CADM2: variants seen among roughly 807,000 people sequenced by gnomAD.
CADM2 encodes cell adhesion molecule 2, also known as immunoglobulin superfamily member 4D.
Under a neutral mutation model 49.8 loss-of-function variants are expected in CADM2, and 12 were observed. The ratio of observed to expected loss-of-function variants is 0.24; its 90% CI spans 0.15 to 0.39. The LOEUF (loss-of-function observed/expected upper bound fraction) is 0.39, where lower values mean the gene tolerates loss of function less well. Ranked by LOEUF, CADM2 falls within the 10% of genes least tolerant of loss-of-function variation. The pLI is 1.00. For missense variants in CADM2, 378 were observed against 492.3 expected (o/e 0.77, Z 2.20); for synonymous variants, 214 against 175.4 (o/e 1.22, Z -1.74).
At chr3:85,570,988 C>T (rs2062460255) in intron 1 of CADM2, among the ~76,000 whole-genome samples, 2 of 152,028 alleles carry the variant, frequency 1.3e-5, no homozygotes. Context: ...ATGTTAGAAG[C>T]ATGATTATTA....
chr3:86,057,510 A>C (rs1024426323), intron 8 of CADM2, among the ~76,000 whole-genome samples: 3 of 152,208 alleles, frequency 2.0e-5, no homozygotes, highest in Non-Finnish European at 4.4e-5. Context: ...AATTTAGCAT[A>C]AGAATTTAAT....
chr3:85,925,701 A>T (rs1025388668), intron 6 of CADM2, among the ~76,000 whole-genome samples: 2 of 152,190 alleles, frequency 1.3e-5, no homozygotes, highest in Non-Finnish European at 2.9e-5. Context: ...TCAGAGTATT[A>T]AGCGTTCACT....
chr3:85,315,502 T>TA lies in CADM2; in HGVS notation c.61+355842dup, dbSNP rs199742417. 5.8e-4 allele frequency among the ~76,000 whole-genome samples: 88 copies of TA among 152,048 alleles called. No homozygotes were observed. In the East Asian group the frequency reaches 0.013, roughly 23 times the overall value. ...AATAGCAAAGTATATGGTTTAAGCA[T>TA]AAAAAAAACTGGTAATAGTTAGAGT... On this transcript the variant is annotated intron_variant, in intron 1 of 9. Coordinates refer to ENST00000383699, the MANE Select transcript of CADM2 (RefSeq NM_001167675.2).
intron 1 of CADM2, among the ~76,000 whole-genome samples, chr3:85,063,880 G>A (rs1030581680): frequency 2.6e-5 from 4 of 151,966 alleles, no homozygotes; most frequent in East Asian, 1.9e-4. Flanking sequence ...TCACTCTAAC[G>A]CATTAGCAGC....
intron 1 of CADM2, among the ~76,000 whole-genome samples, chr3:85,302,064 A>G (rs886814138): frequency 6.6e-6 from 1 of 151,998 alleles, no homozygotes; most frequent in Admixed American, 6.6e-5. Flanking sequence ...GTGTATTCTA[A>G]TATGTGTCAT....
chr3:85,828,252 G>A (rs190350971), intron 3 of CADM2, among the ~76,000 whole-genome samples: 84 of 152,032 alleles, frequency 5.5e-4, no homozygotes, highest in Middle Eastern at 6.8e-3. Context: ...TCCCAAACAC[G>A]GGTAAAGCAG....
intron 1 of CADM2, among the ~76,000 whole-genome samples, chr3:85,321,951 A>G (rs1199026539): frequency 6.6e-6 from 1 of 152,244 alleles, no homozygotes; most frequent in African/African-American, 2.4e-5. Context: ...ATTAGTTTGC[A>G]GAACTGAAAT....
intron 1 of CADM2, among the ~76,000 whole-genome samples, chr3:85,058,902 T>C (rs2036193997): frequency 6.6e-6 from 1 of 151,690 alleles, no homozygotes; most frequent in Non-Finnish European, 1.5e-5. Flanking sequence ...TGCAAAACAA[T>C]ATAGAATTAT....
intron 1 of CADM2, among the ~76,000 whole-genome samples, chr3:85,172,022 A>G (rs1301436037): frequency 2.6e-5 from 4 of 152,222 alleles, no homozygotes; most frequent in Non-Finnish European, 4.4e-5. Context: ...TGTGCAATTT[A>G]TAGAAATTAA....
At chr3:85,835,851 C>CT (rs2074387603) in intron 3 of CADM2, among the ~76,000 whole-genome samples, 1 of 150,264 alleles carries the variant, frequency 6.7e-6, no homozygotes, top group Non-Finnish European at 1.5e-5. Context: ...CAGAGTATCT[C>CT]TAACTAATGA....
chr3:85,367,429 A>G (rs1168033747), intron 1 of CADM2, among the ~76,000 whole-genome samples: 2 of 151,836 alleles, frequency 1.3e-5, no homozygotes, highest in African/African-American at 2.4e-5. Flanking sequence ...GTGCTTCCAC[A>G]ATATTAAGAC....
At chr3:85,898,935 G>A (rs1469102118) in intron 5 of CADM2, among the ~76,000 whole-genome samples, 1 of 32,140 alleles carries the variant, frequency 3.1e-5, no homozygotes, top group Non-Finnish European at 4.7e-5. Context: ...TTCATTTATT[G>A]TGTATATATA....
chr3:85,225,826 G>T (rs1300184333), intron 1 of CADM2, among the ~76,000 whole-genome samples: 2 of 152,130 alleles, frequency 1.3e-5, no homozygotes, highest in African/African-American at 2.4e-5. Flanking sequence ...GATAAATTTT[G>T]TTGAAGGCCT....
At chr3:85,826,403 T>TA (rs1293740947) in intron 3 of CADM2, among the ~76,000 whole-genome samples, 1 of 152,072 alleles carries the variant, frequency 6.6e-6, no homozygotes, top group Non-Finnish European at 1.5e-5. Flanking sequence ...TTTCAATCAT[T>TA]AAAATAACAG....
intron 1 of CADM2, among the ~76,000 whole-genome samples, chr3:85,475,897 G>T (rs112139270): frequency 2.0e-5 from 3 of 151,706 alleles, no homozygotes; most frequent in Admixed American, 1.3e-4. Context: ...TTATTAATTT[G>T]CCTATCTAGA....
intron 8 of CADM2, among the ~76,000 whole-genome samples, chr3:85,996,679 T>G (rs1729467682): frequency 6.6e-6 from 1 of 152,178 alleles, no homozygotes; most frequent in Non-Finnish European, 1.5e-5. Context: ...TTCTGAAATA[T>G]TCTAAGAAAC....
chr3:86,001,588 G>A (rs976950940), intron 8 of CADM2, among the ~76,000 whole-genome samples: 4 of 152,030 alleles, frequency 2.6e-5, no homozygotes, highest in African/African-American at 9.7e-5. Flanking sequence ...CTGTAAAGGG[G>A]GATGATGGGC....
chr3:85,162,422 A>T (rs1377486908), intron 1 of CADM2, among the ~76,000 whole-genome samples: 1 of 152,168 alleles, frequency 6.6e-6, no homozygotes, highest in African/African-American at 2.4e-5. Flanking sequence ...AATTTTTGGT[A>T]GGTTTGGATA....
At chr3:85,706,106 G>T (rs527326167) in intron 1 of CADM2, among the ~76,000 whole-genome samples, 12 of 152,068 alleles carry the variant, frequency 7.9e-5, no homozygotes, top group South Asian at 2.1e-4. Context: ...GATTAGAATT[G>T]CTCAGATAAT....
Sources: gnomAD v4.1 joint callset for allele counts (sites outside exome capture counted in the v4.1 genomes callset) on GRCh38, gnomAD v4.1.1 for gene constraint, MANE v1.5 for transcripts, NCBI Gene and HGNC (gene_info 2026-07-23, HGNC 2026-07-21) for gene names.